FKBP14: variants seen among roughly 807,000 people sequenced by gnomAD.
FKBP14 encodes the protein FKBP prolyl isomerase 14, also known as peptidyl-prolyl cis-trans isomerase FKBP14.
A neutral mutation model predicts 21.6 loss-of-function variants in FKBP14; 20 were observed. The observed-to-expected ratio is 0.92, with a 90% confidence interval of 0.65 to 1.34. FKBP14 has a LOEUF of 1.34. FKBP14 is among the 40% of genes most tolerant of loss of function. FKBP14 has a pLI of 0.00. For synonymous variants in FKBP14, 79 were observed against 86.7 expected, an observed-to-expected ratio of 0.91 and a Z score of 0.49; for missense variants, 253 against 249.0, an observed-to-expected ratio of 1.02 and a Z score of -0.11.
intron 3 of FKBP14, among the ~76,000 whole-genome samples, chr7:30,015,662 G>C (rs1047160747): frequency 7.9e-6 from 1 of 126,724 alleles, no homozygotes; most frequent in East Asian, 2.3e-4. Flanking sequence ...GTCTCACTCT[G>C]TTGCCCAGGC....
chr7:30,020,968 A>G lies in FKBP14; in HGVS notation c.349+1697T>C, dbSNP rs1275256180. Among the ~76,000 whole-genome samples, 4 of 152,166 alleles carry G rather than the reference A, an allele frequency of 2.6e-5. No individual in the cohort carries two copies. The East Asian group carries it at 7.7e-4, about 29-fold the overall frequency. ...ATATAATGCTTGCCATATGGCATCTATTTTCCTTCTCAGGAAATGGGCTGT... is the reference window on the plus strand; with the variant it reads ...ATATAATGCTTGCCATATGGCATCTGTTTTCCTTCTCAGGAAATGGGCTGT... On this transcript the variant is annotated intron_variant, in intron 2 of 3. Coordinates refer to ENST00000222803, the MANE Select transcript of FKBP14 (RefSeq NM_017946.4).
chr7:30,019,914 G>A (rs539843905), intron 2 of FKBP14, among the ~76,000 whole-genome samples: 3 of 152,158 alleles, frequency 2.0e-5, no homozygotes, highest in Admixed American at 6.5e-5. Flanking sequence ...GACATTTCAT[G>A]GGAGGGGAGA....
chr7:30,009,827 T>TAAA (rs918480163), downstream of FKBP14, among the ~76,000 whole-genome samples: 2 of 102,388 alleles, frequency 2.0e-5, no homozygotes, highest in African/African-American at 7.2e-5. Context: ...CTGTCTCTAC[T>TAAA]AAAAAAAAAA....
intron 3 of FKBP14, among the ~76,000 whole-genome samples, chr7:30,018,385 G>A (rs1477288170): frequency 1.3e-5 from 2 of 152,234 alleles, no homozygotes. Context: ...AGACAGGTAT[G>A]TGTAGCAATG....
intron 2 of FKBP14, among the ~76,000 whole-genome samples, chr7:30,019,368 A>T (rs190327288): frequency 6.6e-6 from 1 of 152,276 alleles, no homozygotes; most frequent in African/African-American, 2.4e-5. Context: ...GTAAATACAC[A>T]TACACACAAT....
intron 2 of FKBP14, among the ~76,000 whole-genome samples, chr7:30,021,848 C>A (rs1407528646): frequency 6.6e-6 from 1 of 152,176 alleles, no homozygotes; most frequent in African/African-American, 2.4e-5. Flanking sequence ...AGCCACCATG[C>A]CTGGCCCAGA....
downstream of FKBP14, among the ~76,000 whole-genome samples, chr7:30,006,639 C>T (rs970336271): frequency 1.3e-5 from 2 of 152,148 alleles, no homozygotes; most frequent in Non-Finnish European, 2.9e-5. Context: ...AGTCGTACAG[C>T]GTACAGAATA....
Position 30,026,618 on chromosome 7 carries a change from A to G in FKBP14, c.-110T>C. The G allele has an allele frequency of 2.2e-6, 2 of 928,672 alleles. No homozygotes were observed. Among genetic ancestry groups the G allele is most frequent in the Non-Finnish European group, 3.2e-6 (2 of 634,050 alleles). 57.5% of individuals were successfully genotyped at this position (928,672 alleles called of 1,614,324 possible). ...ACGGACAAGGGCTTCAGACAAGTTCAGGACTCCCCCTTCTTAGAAGACGTG... is the reference window on the plus strand; with the variant it reads ...ACGGACAAGGGCTTCAGACAAGTTCGGGACTCCCCCTTCTTAGAAGACGTG... On this transcript the variant is annotated 5_prime_UTR_variant, in exon 1 of 4. Transcript: ENST00000222803.
In FKBP14 at chr7:30,022,738, C is replaced by T. The variant is rs1285953530; in HGVS notation, c.276G>A (p.Leu92=). 1.2e-6 allele frequency: 2 copies of T among 1,614,062 alleles called. No homozygotes were observed. Among genetic ancestry groups the T allele is most frequent in the Admixed American group, 3.3e-5 (2 of 60,008 alleles). The stretch of plus-strand genomic sequence containing the variant: ...TCTTCTCTCCTACACACATTCCTTT[C>T]AAGCCCTGGTCCCAACCTTTGAGAG... ...LEALKGWDQG[L]KGMCVGEKRK... Residue 92 remains leucine, a synonymous_variant, in exon 2 of 4, where the codon TTG becomes TTA. Coordinates refer to ENST00000222803, the MANE Select transcript of FKBP14 (RefSeq NM_017946.4).
At chr7:30,019,752 C>G (rs546886985) in intron 2 of FKBP14, among the ~76,000 whole-genome samples, 1 of 152,082 alleles carries the variant, frequency 6.6e-6, no homozygotes, top group African/African-American at 2.4e-5. Context: ...ATGCAAAATA[C>G]TTAGCATTAA....
At chr7:30,025,347 A>G (rs1390281173) in intron 1 of FKBP14, 1 of 152,178 alleles carries the variant, frequency 6.6e-6, no homozygotes, top group African/African-American at 2.4e-5. Flanking sequence ...TCTGTACCCT[A>G]TATCATTGCA....
chr7:30,007,217 T>G (rs1406095691), downstream of FKBP14, among the ~76,000 whole-genome samples: 110 of 151,582 alleles, frequency 7.3e-4, 1 homozygote, highest in East Asian at 0.019. Flanking sequence ...CTTTGTTTTT[T>G]TTTTTTTTTT....
downstream of FKBP14, chr7:30,008,231 G>A (rs887391335): frequency 2.6e-5 from 4 of 152,152 alleles, no homozygotes; most frequent in Admixed American, 6.5e-5. Flanking sequence ...ACTTCAGGAC[G>A]GAGCCCTGAC....
intron 3 of FKBP14, among the ~76,000 whole-genome samples, chr7:30,017,499 A>G (rs4593431): frequency 0.18 from 27,317 of 151,712 alleles, 2,601 homozygotes; most frequent in African/African-American, 0.24. Flanking sequence ...AACCCGGGAC[A>G]CAGAGGCTGC....
At chr7:30,018,505 T>TG (rs1789949808) in intron 3 of FKBP14, among the ~76,000 whole-genome samples, 1 of 152,198 alleles carries the variant, frequency 6.6e-6, no homozygotes, top group African/African-American at 2.4e-5. Flanking sequence ...CTCTTTTCTC[T>TG]GGGGCAACCT....
rs959089962 is a variant in FKBP14 at position 30,010,671 on chromosome 7, C to T, written c.*4064G>A. The T allele has an allele frequency of 5.3e-5, 8 of 152,074 alleles. No individual in the cohort carries two copies. Among genetic ancestry groups the T allele is most frequent in the South Asian group, 2.1e-4 (1 of 4,826 alleles). 9.4% of individuals were successfully genotyped at this position (152,074 alleles called of 1,614,324 possible). On this transcript the variant is annotated 3_prime_UTR_variant, in exon 4 of 4. Transcript: ENST00000222803. ...AATATGGCACACTGAGCAGTATTGA[C>T]GCAAATTATATAGTCATGTAACCAT...
At chr7:30,008,848 C>T (rs534081932), downstream of FKBP14, among the ~76,000 whole-genome samples, 201 of 151,810 alleles carry the variant, frequency 1.3e-3, 2 homozygotes, top group Non-Finnish European at 2.2e-3. Flanking sequence ...TGGTGGCAGG[C>T]GCCTGTAGCC....
In FKBP14 at chr7:30,026,289, A is replaced by G. The variant is rs17150688; in HGVS notation, c.197+23T>C. ...TGAGTGGATTCTTAATTACTATTTT[A>G]CCTGCGGGGCATAATTACTTACGTG... On this transcript the variant is annotated intron_variant, in intron 1 of 3. Transcript: ENST00000222803. 0.018 allele frequency: 29,134 copies of G among 1,580,366 alleles called. 393 individuals carry two copies. Among genetic ancestry groups the G allele is most frequent in the Admixed American group, 0.054 (3,019 of 56,304 alleles).
rs1167603386 is a variant in FKBP14 at position 30,014,653 on chromosome 7, A to G, written c.*82T>C. On this transcript the variant is annotated 3_prime_UTR_variant, in exon 4 of 4. Coordinates refer to ENST00000222803, the MANE Select transcript of FKBP14 (RefSeq NM_017946.4). Reference sequence around the variant, plus strand: ...AATAAAAAACAAAGCAAGAAAGAACATTGTATAAAAATAAAATGTTCTTTA... The same window carrying G: ...AATAAAAAACAAAGCAAGAAAGAACGTTGTATAAAAATAAAATGTTCTTTA... The G allele has an allele frequency of 1.1e-6, 1 of 931,380 alleles. No individual in the cohort carries two copies. The highest frequency in any genetic ancestry group is 1.4e-6 in the Non-Finnish European group (1 of 693,816). The allele number at this position is 931,380 out of a possible 1,614,324, so 57.7% of individuals were successfully genotyped here.
Sources: gnomAD v4.1 joint callset for allele counts (sites outside exome capture counted in the v4.1 genomes callset) on GRCh38, gnomAD v4.1.1 for gene constraint, MANE v1.5 for transcripts, NCBI Gene and HGNC (gene_info 2026-07-23, HGNC 2026-07-21) for gene names.